The following CKAP5 variants were observed in gnomAD, a reference collection of about 807,000 sequenced individuals.
CKAP5 encodes cytoskeleton-associated protein 5.
Under a neutral mutation model 232.8 loss-of-function variants are expected in CKAP5, and 27 were observed. The observed-to-expected ratio is 0.12, with a 90% confidence interval of 0.09 to 0.16. CKAP5 has a LOEUF of 0.16. Ranked by LOEUF, CKAP5 falls within the 10% of genes least tolerant of loss-of-function variation. The pLI is 1.00. For synonymous variants in CKAP5, 785 were observed against 841.1 expected, an observed-to-expected ratio of 0.93 and a Z score of 1.16; for missense variants, 1,838 against 2,424.7, an observed-to-expected ratio of 0.76 and a Z score of 5.08.
chr11:46,750,269 C>T lies in CKAP5; in HGVS notation c.5704+5G>A, dbSNP rs1380227649. The T allele has an allele frequency of 1.2e-6, 2 of 1,612,878 alleles. No homozygotes were observed. The highest frequency in any genetic ancestry group is 4.5e-5 in the East Asian group (2 of 44,882). On this transcript the variant is annotated splice_donor_5th_base_variant and intron_variant, in intron 42 of 43. Coordinates refer to ENST00000529230, the MANE Select transcript of CKAP5 (RefSeq NM_001008938.4). ...TATTCCTGGAGCTATAACAGGAAAC[C>T]ATACCTGTTGAAGTGGAAATACGAC...
rs112502377 is a variant in CKAP5, at chr11:46,778,799, G to A, written c.2434-200C>T. On this transcript the variant is annotated intron_variant, in intron 20 of 43. Transcript: ENST00000529230. Reference sequence around the variant, plus strand: ...TATACAAAACCTACTAGAAGGCAGGGTGTGGTGGCTCACACTTATAATCCC... The same window carrying A: ...TATACAAAACCTACTAGAAGGCAGGATGTGGTGGCTCACACTTATAATCCC... 6.3e-3 allele frequency among the ~76,000 whole-genome samples: 959 copies of A among 152,316 alleles called. 13 individuals carry two copies. The highest frequency in any genetic ancestry group is 0.022 in the African/African-American group (915 of 41,568).
intron 11 of CKAP5, among the ~76,000 whole-genome samples, chr11:46,797,395 A>C (rs891138216): frequency 2.6e-5 from 4 of 151,972 alleles, no homozygotes; most frequent in Non-Finnish European, 5.9e-5. Context: ...AACAACAAAA[A>C]AAAAAAAACA....
intron 16 of CKAP5, among the ~76,000 whole-genome samples, chr11:46,787,784 T>C (rs1434015186): frequency 2.6e-5 from 4 of 152,160 alleles, no homozygotes; most frequent in African/African-American, 4.8e-5. Context: ...AATTCCTAAT[T>C]ATATAAAGTT....
chr11:46,777,327 T>C lies in CKAP5; in HGVS notation c.2862+112A>G, dbSNP rs926217083. 1.6e-5 allele frequency: 10 copies of C among 610,798 alleles called. No individual in the cohort carries two copies. The African/African-American group carries it at 1.9e-4, about 11-fold the overall frequency. 37.8% of individuals were successfully genotyped at this position (610,798 alleles called of 1,614,324 possible). On this transcript the variant is annotated intron_variant, in intron 23 of 43. Coordinates refer to ENST00000529230, the MANE Select transcript of CKAP5 (RefSeq NM_001008938.4). Reference sequence around the variant, plus strand: ...CTGTTTTTCTTCTAATATTTTCATCTTTATAAAGTTTATCAGGTCTTTACA... The same window carrying C: ...CTGTTTTTCTTCTAATATTTTCATCCTTATAAAGTTTATCAGGTCTTTACA...
intron 1 of CKAP5, among the ~76,000 whole-genome samples, chr11:46,825,719 A>G (rs1565754984): frequency 6.6e-6 from 1 of 151,886 alleles, no homozygotes; most frequent in Non-Finnish European, 1.5e-5. Flanking sequence ...AAAGCAACCC[A>G]TTTGAATGAC....
intron 7 of CKAP5, 73 bp downstream of exon 7, chr11:46,809,327 A>G (rs756699457): frequency 3.3e-5 from 34 of 1,017,232 alleles, no homozygotes; most frequent in Non-Finnish European, 5.1e-5. Flanking sequence ...GCAAGGGCTC[A>G]GCAGAGTATT....
chr11:46,803,081 T>G (rs538558494), intron 8 of CKAP5, among the ~76,000 whole-genome samples: 2 of 151,586 alleles, frequency 1.3e-5, no homozygotes, highest in Non-Finnish European at 2.9e-5. Flanking sequence ...CTGGGCAACA[T>G]AGCGAAACCC....
In CKAP5 at chr11:46,758,294, T is replaced by C. The variant is rs528810730; in HGVS notation, c.4689+629A>G. The stretch of plus-strand genomic sequence containing the variant: ...TTTGACCACTAGCTCTTTCCTCTCC[T>C]TGGCATACTCTAAGCCCCAAGGATA... On this transcript the variant is annotated intron_variant, in intron 35 of 43. Transcript: ENST00000529230. 4.6e-5 allele frequency among the ~76,000 whole-genome samples: 7 copies of C among 152,278 alleles called. No individual in the cohort carries two copies. In the South Asian group the frequency reaches 1.5e-3, roughly 32 times the overall value.
At chr11:46,753,540 T>C (rs749750654) in intron 36 of CKAP5, 43 bp from the exon 37 acceptor site, 1 of 1,419,790 alleles carries the variant, frequency 7.0e-7, no homozygotes, top group East Asian at 2.4e-5. Context: ...AAACTCAATA[T>C]AGAGAGTAAA....
intron 25 of CKAP5, among the ~76,000 whole-genome samples, 200 bp downstream of exon 25, chr11:46,770,588 A>G (rs2065239097): frequency 6.6e-6 from 1 of 152,052 alleles, no homozygotes; most frequent in Admixed American, 6.5e-5. Flanking sequence ...TGTGCCACCA[A>G]ACCCGGCTAA....
At chr11:46,818,645 G>A in intron 2 of CKAP5, 142 bp from the exon 3 acceptor site, 1 of 575,930 alleles carries the variant, frequency 1.7e-6, no homozygotes, top group Non-Finnish European at 2.7e-6. Flanking sequence ...GACTAGAAAT[G>A]AAAAAAGAGT....
At chr11:46,775,472 G>A (rs1484296094) in intron 24 of CKAP5, among the ~76,000 whole-genome samples, 2 of 152,092 alleles carry the variant, frequency 1.3e-5, no homozygotes, top group African/African-American at 4.8e-5. Flanking sequence ...CCCATTACTG[G>A]GTAATACCCA....
intron 13 of CKAP5, 56 bp from the exon 14 acceptor site, chr11:46,790,639 GT>G: frequency 1.6e-6 from 2 of 1,229,748 alleles, no homozygotes; most frequent in Non-Finnish European, 2.3e-6. Context: ...AAATAGTGGA[GT>G]TTTTTATTTT....
At chr11:46,835,836 A>C (rs1939905138) in intron 1 of CKAP5, among the ~76,000 whole-genome samples, 1 of 152,250 alleles carries the variant, frequency 6.6e-6, no homozygotes, top group African/African-American at 2.4e-5. Context: ...AGAAAGGGAA[A>C]AATACTAACT....
At chr11:46,801,540 G>A (rs1338322592) in intron 8 of CKAP5, among the ~76,000 whole-genome samples, 1 of 151,996 alleles carries the variant, frequency 6.6e-6, no homozygotes, top group Non-Finnish European at 1.5e-5. Context: ...CATGGTGGCA[G>A]GCACCTGTAA....
chr11:46,745,258 G>T (rs1258658235), intron 42 of CKAP5, among the ~76,000 whole-genome samples: 2 of 152,296 alleles, frequency 1.3e-5, no homozygotes, highest in African/African-American at 4.8e-5. Context: ...GGCCCCAAAG[G>T]TAAGGTACTG....
intron 1 of CKAP5, among the ~76,000 whole-genome samples, chr11:46,841,349 G>C (rs1940047485): frequency 6.6e-6 from 1 of 152,002 alleles, no homozygotes; most frequent in Non-Finnish European, 1.5e-5. Flanking sequence ...CTACTTGCTT[G>C]GTGTGTGGGG....
At position 46,744,593 on chromosome 11, in the gene CKAP5, TAGAA is replaced by T. The variant is rs1565712566; in HGVS notation, c.5705-20_5705-17del. 1.2e-6 allele frequency: 2 copies of T among 1,611,570 alleles called. No homozygotes were observed. Among genetic ancestry groups the T allele is most frequent in the Non-Finnish European group, 8.5e-7 (1 of 1,178,126 alleles). On this transcript the variant is annotated splice_polypyrimidine_tract_variant and intron_variant, in intron 42 of 43. Coordinates refer to ENST00000529230, the MANE Select transcript of CKAP5 (RefSeq NM_001008938.4). ...GGGGAGATGCCTAGAGGGGAAAAAGTAGAAAGAATATTCAGATATCCACATATCC... is the reference window on the plus strand; with the variant it reads ...GGGGAGATGCCTAGAGGGGAAAAAGTAGAATATTCAGATATCCACATATCC...
At chr11:46,817,691 G>A (rs1164788781) in intron 3 of CKAP5, among the ~76,000 whole-genome samples, 1 of 151,874 alleles carries the variant, frequency 6.6e-6, no homozygotes, top group East Asian at 1.9e-4. Flanking sequence ...TTTGTATGGA[G>A]GGTTCCTTTC....
Sources: gnomAD v4.1 joint callset for allele counts (sites outside exome capture counted in the v4.1 genomes callset) on GRCh38, gnomAD v4.1.1 for gene constraint, MANE v1.5 for transcripts, NCBI Gene and HGNC (gene_info 2026-07-23, HGNC 2026-07-21) for gene names.